The following STX12 variants were observed in gnomAD, a reference collection of about 807,000 sequenced individuals.
The protein encoded by STX12 is syntaxin 12, also known as syntaxin-12.
Under a neutral mutation model 42.2 loss-of-function variants are expected in STX12, and 17 were observed. That is an observed-to-expected ratio of 0.40 (90% CI 0.28 to 0.60). STX12 has a LOEUF of 0.60. Among genes scored for constraint, STX12 ranks in the 20% least tolerant of loss-of-function variants. STX12 has a pLI of 0.39. For synonymous variants in STX12, 108 were observed against 116.7 expected (o/e 0.93, Z 0.48); for missense variants, 297 against 330.9 (o/e 0.90, Z 0.79).
chr1:27,789,876 T>A (rs1217611637), intron 2 of STX12, among the ~76,000 whole-genome samples: 2 of 152,174 alleles, frequency 1.3e-5, no homozygotes, highest in Admixed American at 1.3e-4. Flanking sequence ...GCAGAACAAT[T>A]TAGGGAAGTA....
intron 4 of STX12, among the ~76,000 whole-genome samples, chr1:27,809,605 C>A (rs774134973): frequency 6.6e-6 from 1 of 151,526 alleles, no homozygotes; most frequent in African/African-American, 2.4e-5. Flanking sequence ...TACAGGTGCC[C>A]GCCACCACGT....
chr1:27,821,384 G>A (rs1463830778), intron 8 of STX12, among the ~76,000 whole-genome samples: 1 of 152,084 alleles, frequency 6.6e-6, no homozygotes, highest in Non-Finnish European at 1.5e-5. Flanking sequence ...AGATGTTTCT[G>A]AAGAGTTTAA....
chr1:27,775,985 G>C (rs2088625643), intron 1 of STX12, among the ~76,000 whole-genome samples: 1 of 152,198 alleles, frequency 6.6e-6, no homozygotes, highest in South Asian at 2.1e-4. Flanking sequence ...TAAATGCTAA[G>C]CTAAGGGGCT....
In STX12 at chr1:27,812,170, G is replaced by A. The variant is rs2088907401; in HGVS notation, c.478G>A (p.Glu160Lys). ...EQLVSFDSHE[E>K]WNQMQSQEDE... ...GTGCCTGTTTCCCTGCAGCCATGAG[G>A]AGTGGAACCAGATGCAGAGCCAGGA... is the stretch of plus-strand genomic sequence containing the variant. Residue 160 changes from glutamate to lysine, a missense_variant, in exon 6 of 9, where the codon GAG (glutamate) becomes AAG (lysine). Glu to Lys is a moderately conservative substitution (Grantham distance 56, BLOSUM62 1). Coordinates refer to ENST00000373943, the MANE Select transcript of STX12 (RefSeq NM_177424.3). 6.4e-7 allele frequency: 1 copy of A among 1,555,658 alleles called. No homozygotes were observed. Among genetic ancestry groups the A allele is most frequent in the South Asian group, 1.2e-5 (1 of 84,242 alleles).
chr1:27,799,546 G>A lies in STX12; in HGVS notation c.289-2132G>A, dbSNP rs573318221. Among the ~76,000 whole-genome samples, 13 of 148,860 alleles carry A rather than the reference G, an allele frequency of 8.7e-5. No individual in the cohort carries two copies. The East Asian group carries it at 2.5e-3, about 29-fold the overall frequency. On this transcript the variant is annotated intron_variant, in intron 3 of 8. Coordinates refer to ENST00000373943, the MANE Select transcript of STX12 (RefSeq NM_177424.3). ...TGCTCAGTCTGGAGTGCAGTGGCGC[G>A]ATCTCAGCTCACTGCAACCTCCACC...
Position 27,773,377 on chromosome 1 carries a change from A to G in STX12, c.70A>G (p.Ser24Gly), listed in dbSNP as rs562582194. The G allele has an allele frequency of 1.9e-6, 3 of 1,613,834 alleles. No homozygotes were observed. The highest frequency in any genetic ancestry group is 2.7e-5 in the African/African-American group (2 of 75,056). Residue 24 changes from serine (S) to glycine (G), a missense_variant, in exon 1 of 9, where the codon AGC becomes GGC. Coordinates refer to ENST00000373943, the MANE Select transcript of STX12 (RefSeq NM_177424.3). ...PSGPQLRDFS[S>G]IIQTCSGNIQ... ...GGGGCCCCAGCTCCGGGACTTCAGC[A>G]GCATCATCCAGACGTGCAGCGGCAA...
chr1:27,808,554 TG>T (rs1301509144), intron 4 of STX12, among the ~76,000 whole-genome samples: 1 of 152,078 alleles, frequency 6.6e-6, no homozygotes, highest in Non-Finnish European at 1.5e-5. Context: ...TTGGCCAGGC[TG>T]GTCACAAACT....
chr1:27,773,526 A>G, intron 1 of STX12, 101 bp downstream of exon 1: 1 of 1,089,150 alleles, frequency 9.2e-7, no homozygotes, highest in Non-Finnish European at 1.4e-6. Context: ...GGCCGAGGCC[A>G]CACCTGGGGC....
chr1:27,789,134 T>A (rs1283924348), intron 1 of STX12, among the ~76,000 whole-genome samples: 2 of 152,234 alleles, frequency 1.3e-5, no homozygotes, highest in Non-Finnish European at 2.9e-5. Flanking sequence ...GCTCAATTGG[T>A]GGTAACCCAT....
At chr1:27,821,274 T>C (rs1238714023) in intron 8 of STX12, among the ~76,000 whole-genome samples, 1 of 152,144 alleles carries the variant, frequency 6.6e-6, no homozygotes, top group Non-Finnish European at 1.5e-5. Context: ...TTAATAATAG[T>C]GTTTCCTTTA....
rs762419865 is a variant in STX12, at chr1:27,822,550, T to G, written c.*221T>G. On this transcript the variant is annotated 3_prime_UTR_variant, in exon 9 of 9. Coordinates refer to ENST00000373943, the MANE Select transcript of STX12 (RefSeq NM_177424.3). ...ATTTCTCAAATTAGGAATTAACTTATGTGGATTTTGCTTCCTCTTGTATTC... is the reference window on the plus strand; with the variant it reads ...ATTTCTCAAATTAGGAATTAACTTAGGTGGATTTTGCTTCCTCTTGTATTC... The G allele has an allele frequency of 4.7e-6, 2 of 428,972 alleles. No homozygotes were observed. Among genetic ancestry groups the G allele is most frequent in the African/African-American group, 3.9e-5 (2 of 50,890 alleles). The allele number at this position is 428,972 out of a possible 1,614,324, so 26.6% of individuals were successfully genotyped here.
intron 1 of STX12, among the ~76,000 whole-genome samples, chr1:27,785,429 A>C (rs1380367712): frequency 6.6e-6 from 1 of 152,258 alleles, no homozygotes; most frequent in Non-Finnish European, 1.5e-5. Flanking sequence ...GTTACACAGC[A>C]TAATTCTTTG....
Position 27,818,968 on chromosome 1 carries a change from C to T in STX12, c.650-682C>T, listed in dbSNP as rs570829648. On this transcript the variant is annotated intron_variant, in intron 7 of 8. Transcript: ENST00000373943. ...AAAGCTTTCTATGTGGAAATAATTT[C>T]GAGTTTATTAAAAGTTGCAAAAATA... 3.3e-3 allele frequency among the ~76,000 whole-genome samples: 505 copies of T among 151,910 alleles called. 4 individuals are homozygous for T. The highest frequency in any genetic ancestry group is 0.011 in the African/African-American group (476 of 41,410).
intron 1 of STX12, 77 bp from the exon 2 acceptor site, chr1:27,789,485 C>CAGGAATCTTAGAAGTAGGGT: frequency 9.2e-7 from 1 of 1,092,384 alleles, no homozygotes; most frequent in Non-Finnish European, 1.3e-6. Context: ...GGGAAGAGAC[C>CAGGAATCTTAGAAGTAGGGT]AGGAATCTTA....
chr1:27,812,151 G>A lies in STX12; in HGVS notation c.471-12G>A, dbSNP rs1166016352. 2 of 1,551,398 alleles carry A rather than the reference G, an allele frequency of 1.3e-6. No homozygotes were observed. Among genetic ancestry groups the A allele is most frequent in the Non-Finnish European group, 1.7e-6 (2 of 1,146,292 alleles). Reference sequence around the variant, plus strand: ...AGAGGAGAAATCACCTAGTGTGCCTGTTTCCCTGCAGCCATGAGGAGTGGA... The same window carrying A: ...AGAGGAGAAATCACCTAGTGTGCCTATTTCCCTGCAGCCATGAGGAGTGGA... On this transcript the variant is annotated splice_polypyrimidine_tract_variant and intron_variant, in intron 5 of 8. Coordinates refer to ENST00000373943, the MANE Select transcript of STX12 (RefSeq NM_177424.3).
At chr1:27,811,487 T>A (rs2088903588) in intron 5 of STX12, among the ~76,000 whole-genome samples, 1 of 151,992 alleles carries the variant, frequency 6.6e-6, no homozygotes, top group African/African-American at 2.4e-5. Context: ...TAGCTTTCTG[T>A]TAAGAGGGTT....
intron 2 of STX12, among the ~76,000 whole-genome samples, chr1:27,791,225 C>T (rs904269179): frequency 2.0e-5 from 3 of 152,094 alleles, no homozygotes; most frequent in African/African-American, 7.2e-5. Context: ...TGTGCCATTG[C>T]ACTCCAGCCT....
At chr1:27,785,777 A>G (rs189187256) in intron 1 of STX12, among the ~76,000 whole-genome samples, 1 of 152,202 alleles carries the variant, frequency 6.6e-6, no homozygotes, top group African/African-American at 2.4e-5. Flanking sequence ...AGGCTAACTC[A>G]ATTAATCAGT....
intron 1 of STX12, among the ~76,000 whole-genome samples, chr1:27,784,325 A>C (rs1253637333): frequency 6.6e-6 from 1 of 152,040 alleles, no homozygotes; most frequent in Non-Finnish European, 1.5e-5. Flanking sequence ...GGCTTGAGCG[A>C]TCCTCTTCTC....
Sources: allele counts gnomAD v4.1 joint callset (sites outside exome capture counted in the v4.1 genomes callset), GRCh38; gene constraint gnomAD v4.1.1; transcripts MANE v1.5; gene names NCBI Gene and HGNC (gene_info 2026-07-23, HGNC 2026-07-21).